DERA: variants seen among roughly 807,000 people sequenced by gnomAD.
DERA encodes the protein deoxyribose-phosphate aldolase.
DERA carries 15 observed loss-of-function variants against 41.1 expected under a neutral mutation model. The observed-to-expected ratio is 0.37, with a 90% CI of 0.24 to 0.56. DERA has a LOEUF of 0.56. Ranked by LOEUF, DERA falls within the 20% of genes least tolerant of loss-of-function variation. The probability of loss-of-function intolerance (pLI) is 0.81; values close to 1 mark genes in which losing one functional copy is unlikely to be tolerated. For synonymous variants in DERA, 139 were observed against 137.4 expected, an observed-to-expected ratio of 1.01 and a Z score of -0.08; for missense variants, 396 against 403.4, an observed-to-expected ratio of 0.98 and a Z score of 0.16.
In DERA at chr12:15,940,230, A is replaced by G. The variant is rs1014650660; in HGVS notation, c.32-16706A>G. ...TAAATTAGATTTTTAAAATGAGTCAATATTCAAATTAACTGATTTTCTGTT... is the reference window on the plus strand; with the variant it reads ...TAAATTAGATTTTTAAAATGAGTCAGTATTCAAATTAACTGATTTTCTGTT... On this transcript the variant is annotated intron_variant, in intron 1 of 8. Coordinates refer to ENST00000428559, the MANE Select transcript of DERA (RefSeq NM_015954.4). This position sits in a 1 kb window ranked among gnomAD's most constrained non-coding sequence, Gnocchi z 5.1. Among the ~76,000 whole-genome samples the G allele has an allele frequency of 1.3e-5, 2 of 152,212 alleles. No homozygotes were observed. The highest frequency in any genetic ancestry group is 4.8e-5 in the African/African-American group (2 of 41,460).
rs183752750 is a variant in DERA at position 16,019,795 on chromosome 12, G to C, written c.638-12747G>C. 3.4e-4 allele frequency among the ~76,000 whole-genome samples: 52 copies of C among 152,106 alleles called. No individual in the cohort carries two copies. Among genetic ancestry groups the C allele is most frequent in the African/African-American group, 1.2e-3 (51 of 41,498 alleles). On this transcript the variant is annotated intron_variant, in intron 6 of 8. Coordinates refer to ENST00000428559, the MANE Select transcript of DERA (RefSeq NM_015954.4). The surrounding 1 kb of genome is among the most constrained non-coding windows in gnomAD (Gnocchi z 4.4). Reference sequence around the variant, plus strand: ...TTCTTATTGATCATAATACTTACTGGGCATATGATATAGTTTGGATTTTTG... The same window carrying C: ...TTCTTATTGATCATAATACTTACTGCGCATATGATATAGTTTGGATTTTTG...
At chr12:15,968,209 A>G (rs1948636882) in intron 5 of DERA, among the ~76,000 whole-genome samples, 1 of 152,010 alleles carries the variant, frequency 6.6e-6, no homozygotes, top group African/African-American at 2.4e-5. Context: ...ATACATTTAT[A>G]TATTGTATGT....
chr12:15,945,091 C>T (rs1318227731), intron 1 of DERA, among the ~76,000 whole-genome samples: 1 of 152,086 alleles, frequency 6.6e-6, no homozygotes, highest in Admixed American at 6.5e-5. Flanking sequence ...TGGTCTATAT[C>T]TCTGTTTTGG....
At position 15,999,083 on chromosome 12, in the gene DERA, G is replaced by C. The variant is rs1013747940; in HGVS notation, c.637+16647G>C. ...TCCAAACTGTGTCGGGGAATGGGAG[G>C]AAATGAGGGATGGAGGGTTGGTGAG... On this transcript the variant is annotated intron_variant, in intron 6 of 8. Coordinates refer to ENST00000428559, the MANE Select transcript of DERA (RefSeq NM_015954.4). The surrounding 1 kb of genome is among the most constrained non-coding windows in gnomAD (Gnocchi z 5.3). Among the ~76,000 whole-genome samples the C allele has an allele frequency of 1.3e-5, 2 of 152,184 alleles. No individual in the cohort carries two copies. Among genetic ancestry groups the C allele is most frequent in the Admixed American group, 6.5e-5 (1 of 15,274 alleles).
In DERA at chr12:15,970,924, T is replaced by C. The variant is rs1290870470; in HGVS notation, c.508+7977T>C. Among the ~76,000 whole-genome samples the C allele has an allele frequency of 6.6e-6, 1 of 152,244 alleles. No homozygotes were observed. The highest frequency in any genetic ancestry group is 2.4e-5 in the African/African-American group (1 of 41,470). On this transcript the variant is annotated intron_variant, in intron 5 of 8. Coordinates refer to ENST00000428559, the MANE Select transcript of DERA (RefSeq NM_015954.4). The surrounding 1 kb of genome is among the most constrained non-coding windows in gnomAD (Gnocchi z 4.3). Reference sequence around the variant, plus strand: ...AAGTGAAAATAGAGAATAAATGGTGTTACCATCTTTATTCAGAAAGTCATT... The same window carrying C: ...AAGTGAAAATAGAGAATAAATGGTGCTACCATCTTTATTCAGAAAGTCATT...
chr12:15,920,005 TGA>T (rs1463254616), intron 1 of DERA, among the ~76,000 whole-genome samples: 3 of 151,482 alleles, frequency 2.0e-5, no homozygotes, highest in South Asian at 2.1e-4. Context: ...TGTGTGTGTG[TGA>T]GAGAGAAAGA....
intron 1 of DERA, among the ~76,000 whole-genome samples, chr12:15,914,922 C>G (rs532383603): frequency 6.6e-6 from 1 of 152,098 alleles, no homozygotes; most frequent in Non-Finnish European, 1.5e-5. Flanking sequence ...ATTACAGGTG[C>G]CTGCCACCAA....
chr12:15,916,689 G>C (rs1277768286), intron 1 of DERA, among the ~76,000 whole-genome samples: 1 of 152,104 alleles, frequency 6.6e-6, no homozygotes, highest in Non-Finnish European at 1.5e-5. Flanking sequence ...GACCTCAGGT[G>C]ATCCACCTGC....
rs1948422187 is a variant in DERA, at chr12:15,943,385, TACTTG to T, written c.32-13546_32-13542del. Among the ~76,000 whole-genome samples the T allele has an allele frequency of 6.6e-6, 1 of 152,232 alleles. No individual in the cohort carries two copies. The highest frequency in any genetic ancestry group is 6.5e-5 in the Admixed American group (1 of 15,282). ...ACCACCTGCTCTTGCTTGAGCTTCC[TACTTG>T]ACTTTCGCACCACAGCCAGAGGGGT... On this transcript the variant is annotated intron_variant, in intron 1 of 8. Transcript: ENST00000428559. The surrounding 1 kb of genome is among the most constrained non-coding windows in gnomAD (Gnocchi z 4.5).
chr12:15,914,134 A>C (rs1048695164), intron 1 of DERA, among the ~76,000 whole-genome samples: 15 of 152,126 alleles, frequency 9.9e-5, no homozygotes, highest in Non-Finnish European at 1.5e-5. Context: ...TAGTCCTGGC[A>C]CTTTGGGAGG....
chr12:16,019,909 C>T lies in DERA; in HGVS notation c.638-12633C>T, dbSNP rs1333405630. Among the ~76,000 whole-genome samples the T allele has an allele frequency of 1.3e-5, 2 of 152,144 alleles. No homozygotes were observed. Among genetic ancestry groups the T allele is most frequent in the African/African-American group, 4.8e-5 (2 of 41,418 alleles). On this transcript the variant is annotated intron_variant, in intron 6 of 8. Transcript: ENST00000428559. This position sits in a 1 kb window ranked among gnomAD's most constrained non-coding sequence, Gnocchi z 4.4. ...GATTGGATCATGGAGGTAGATCCTT[C>T]ATGAATGGCTTTAGCACCATCCCTT... is the stretch of plus-strand genomic sequence containing the variant.
At chr12:16,030,507 A>G (rs993862985) in intron 6 of DERA, among the ~76,000 whole-genome samples, 2 of 152,130 alleles carry the variant, frequency 1.3e-5, no homozygotes, top group African/African-American at 4.8e-5. Context: ...GCATTTATTA[A>G]TGAACTTAGT....
chr12:15,952,655 CCTT>C (rs1015027317), intron 1 of DERA, among the ~76,000 whole-genome samples: 1 of 152,006 alleles, frequency 6.6e-6, no homozygotes, highest in African/African-American at 2.4e-5. Flanking sequence ...TATTTTACAC[CCTT>C]CTTTTTGTAC....
rs539839596 is a variant in DERA, at chr12:15,915,801, A to T, written c.31+4387A>T. Among the ~76,000 whole-genome samples the T allele has an allele frequency of 3.9e-5, 6 of 152,318 alleles. No individual in the cohort carries two copies. Among genetic ancestry groups the T allele is most frequent in the African/African-American group, 1.4e-4 (6 of 41,576 alleles). Reference sequence around the variant, plus strand: ...AGTCCACAATGGCCCTGTGAGGGAGATAGCATGATCCAGGTTTACACACGA... The same window carrying T: ...AGTCCACAATGGCCCTGTGAGGGAGTTAGCATGATCCAGGTTTACACACGA... On this transcript the variant is annotated intron_variant, in intron 1 of 8. Coordinates refer to ENST00000428559, the MANE Select transcript of DERA (RefSeq NM_015954.4). This position sits in a 1 kb window ranked among gnomAD's most constrained non-coding sequence, Gnocchi z 4.8.
rs1038456758 is a variant in DERA at position 15,988,974 on chromosome 12, G to A, written c.637+6538G>A. Among the ~76,000 whole-genome samples, 2 of 152,264 alleles carry A rather than the reference G, an allele frequency of 1.3e-5. No homozygotes were observed. The highest frequency in any genetic ancestry group is 2.9e-5 in the Non-Finnish European group (2 of 68,038). ...CTCAGCCAGATTGCGGCAGCATCCA[G>A]GCTCAGCCACAGCTTTGCTCCGCAG... On this transcript the variant is annotated intron_variant, in intron 6 of 8. Coordinates refer to ENST00000428559, the MANE Select transcript of DERA (RefSeq NM_015954.4). The surrounding 1 kb of genome is among the most constrained non-coding windows in gnomAD (Gnocchi z 6.0).
intron 1 of DERA, among the ~76,000 whole-genome samples, chr12:15,925,935 C>T (rs1005845753): frequency 7.0e-6 from 1 of 142,010 alleles, no homozygotes; most frequent in African/African-American, 2.9e-5. Flanking sequence ...TCAAGCAATT[C>T]TCCTGCCTCC....
At chr12:16,028,901 C>T (rs1949071420) in intron 6 of DERA, among the ~76,000 whole-genome samples, 1 of 151,912 alleles carries the variant, frequency 6.6e-6, no homozygotes, top group South Asian at 2.1e-4. Context: ...CTATGGAGGC[C>T]TGACAAATGT....
In DERA at chr12:15,919,463, ACTGT is replaced by A. The variant is rs999317250; in HGVS notation, c.31+8055_31+8058del. On this transcript the variant is annotated intron_variant, in intron 1 of 8. Coordinates refer to ENST00000428559, the MANE Select transcript of DERA (RefSeq NM_015954.4). The stretch of plus-strand genomic sequence containing the variant: ...TGGAGAGCTCTGGCCCTTTTAAAAC[ACTGT>A]CTGTCACTTGAGGATTGGGTCACCT... 7.4e-4 allele frequency among the ~76,000 whole-genome samples: 112 copies of A among 152,296 alleles called. 1 individual carries two copies. The highest frequency in any genetic ancestry group is 2.5e-3 in the African/African-American group (105 of 41,574).
At chr12:15,969,410 A>G (rs1948645153) in intron 5 of DERA, among the ~76,000 whole-genome samples, 1 of 152,188 alleles carries the variant, frequency 6.6e-6, no homozygotes, top group South Asian at 2.1e-4. Flanking sequence ...TAGCTTTGGG[A>G]GACTCATTCC....
Sources: gnomAD v4.1 joint callset for allele counts (sites outside exome capture counted in the v4.1 genomes callset) on GRCh38, gnomAD v4.1.1 for gene constraint, Gnocchi (gnomAD v3.1) non-coding constraint, MANE v1.5 for transcripts, NCBI Gene and HGNC (gene_info 2026-07-23, HGNC 2026-07-21) for gene names.